The following SLC7A8 variants were observed in gnomAD, a reference collection of about 807,000 sequenced individuals.
SLC7A8 encodes the protein large neutral amino acids transporter small subunit 2.
Under a neutral mutation model 51.2 loss-of-function variants are expected in SLC7A8, and 30 were observed. That is an observed-to-expected ratio of 0.59 (90% CI 0.44 to 0.80). The LOEUF is 0.80. SLC7A8 is among the 30% of genes least tolerant of loss of function. The pLI is 0.00. For synonymous variants in SLC7A8, 257 were observed against 275.8 expected (o/e 0.93, Z 0.67); for missense variants, 612 against 674.4 (o/e 0.91, Z 1.03).
chr14:23,170,751 C>T (rs1399041677), intron 1 of SLC7A8, among the ~76,000 whole-genome samples: 1 of 151,430 alleles, frequency 6.6e-6, no homozygotes. Context: ...GGCTGTGGGT[C>T]TCACCACTCT....
intron 3 of SLC7A8, among the ~76,000 whole-genome samples, chr14:23,158,290 C>T (rs895291793): frequency 3.3e-5 from 5 of 152,206 alleles, no homozygotes; most frequent in South Asian, 4.1e-4. Flanking sequence ...ATCCTGGGAG[C>T]ACCACCCTGG....
chr14:23,137,072 G>T (rs4982732), intron 7 of SLC7A8, among the ~76,000 whole-genome samples: 1 of 152,004 alleles, frequency 6.6e-6, no homozygotes, highest in South Asian at 2.1e-4. Flanking sequence ...CTGAGGGCAG[G>T]GGGTGCTTTC....
Position 23,165,580 on chromosome 14 carries a change from C to T in SLC7A8, c.357-144G>A. ...TCTGCCCCCACCCACAAATGAGACACCCAGCCCTCTGCAGTGACAATAAAA... is the reference window on the plus strand; with the variant it reads ...TCTGCCCCCACCCACAAATGAGACATCCAGCCCTCTGCAGTGACAATAAAA... On this transcript the variant is annotated intron_variant, in intron 2 of 10. Coordinates refer to ENST00000316902, the MANE Select transcript of SLC7A8 (RefSeq NM_012244.4). The surrounding 1 kb of genome is among the most constrained non-coding windows in gnomAD (Gnocchi z 4.2). 2 of 741,370 alleles carry T rather than the reference C, an allele frequency of 2.7e-6. No individual in the cohort carries two copies. Among genetic ancestry groups the T allele is most frequent in the Non-Finnish European group, 4.2e-6 (2 of 480,754 alleles). The allele number at this position is 741,370 out of a possible 1,614,324, so 45.9% of individuals were successfully genotyped here. A position where few individuals can be genotyped will look rare whatever the true frequency, so the allele number is the denominator to read the frequency against.
chr14:23,172,261 C>T (rs562130469), intron 1 of SLC7A8, among the ~76,000 whole-genome samples: 1 of 152,344 alleles, frequency 6.6e-6, no homozygotes, highest in African/African-American at 2.4e-5. Flanking sequence ...GGAGGCTTGG[C>T]TCCAAAACAG....
rs150369626 is a variant in SLC7A8, at chr14:23,152,682, T to A, written c.509-9478A>T. Among the ~76,000 whole-genome samples, 399 of 152,328 alleles carry A rather than the reference T, an allele frequency of 2.6e-3. 3 individuals are homozygous for A. Among genetic ancestry groups the A allele is most frequent in the African/African-American group, 9.1e-3 (379 of 41,576 alleles). ...CACCTGCCTTGGCCTCCCAAAGTGC[T>A]GCGATTACAGGCATGAGCCGCCACA... On this transcript the variant is annotated intron_variant, in intron 3 of 10. Transcript: ENST00000316902.
chr14:23,143,067 TGC>T lies in SLC7A8; in HGVS notation c.634+10_634+11del. On this transcript the variant is annotated intron_variant, in intron 4 of 10. Coordinates refer to ENST00000316902, the MANE Select transcript of SLC7A8 (RefSeq NM_012244.4). Reference sequence around the variant, plus strand: ...AAAGCTGGGCAGTACCTGTTTTTCCTGCGATACTCACCTTTGCATATCTGTAC... The same window carrying T: ...AAAGCTGGGCAGTACCTGTTTTTCCTGATACTCACCTTTGCATATCTGTAC... 6.2e-7 allele frequency: 1 copy of T among 1,613,602 alleles called. No individual in the cohort carries two copies. Among genetic ancestry groups the T allele is most frequent in the Non-Finnish European group, 8.5e-7 (1 of 1,179,558 alleles).
intron 3 of SLC7A8, among the ~76,000 whole-genome samples, chr14:23,163,482 T>C (rs906605430): frequency 3.9e-5 from 6 of 152,138 alleles, no homozygotes; most frequent in African/African-American, 1.4e-4. Flanking sequence ...GCCTGGGTGG[T>C]GGAGGTCTGT....
At chr14:23,142,499 T>C (rs1175450791) in intron 4 of SLC7A8, among the ~76,000 whole-genome samples, 2 of 152,108 alleles carry the variant, frequency 1.3e-5, no homozygotes, top group African/African-American at 4.8e-5. Flanking sequence ...TCTGGGGTTT[T>C]TGTTTGTTTA....
chr14:23,174,818 T>C (rs1049700810), intron 1 of SLC7A8, among the ~76,000 whole-genome samples: 78 of 152,198 alleles, frequency 5.1e-4, no homozygotes, highest in South Asian at 2.1e-4. Context: ...AAAGAAGGCA[T>C]GGTCCTCCAT....
At chr14:23,140,658 A>G in intron 4 of SLC7A8, 34 bp from the exon 5 acceptor site, 2 of 1,592,282 alleles carry the variant, frequency 1.3e-6, no homozygotes, top group Non-Finnish European at 8.6e-7. Flanking sequence ...CCGCTCAGTG[A>G]GACAAGTCAG....
Position 23,165,203 on chromosome 14 carries a change from G to A in SLC7A8, c.508+82C>T. 7.3e-7 allele frequency: 1 copy of A among 1,369,044 alleles called. No individual in the cohort carries two copies. The highest frequency in any genetic ancestry group is 9.6e-7 in the Non-Finnish European group (1 of 1,040,410). The allele number at this position is 1,369,044 out of a possible 1,614,324, so 84.8% of individuals were successfully genotyped here. On this transcript the variant is annotated intron_variant, in intron 3 of 10. Transcript: ENST00000316902. This position sits in a 1 kb window ranked among gnomAD's most constrained non-coding sequence, Gnocchi z 4.2. ...GCTGCGCTCCAGCCTGAGTGACAGAGTGAAGACTCTGTTTCTAAAAATAAT... is the reference window on the plus strand; with the variant it reads ...GCTGCGCTCCAGCCTGAGTGACAGAATGAAGACTCTGTTTCTAAAAATAAT...
At chr14:23,171,605 C>T (rs189540881) in intron 1 of SLC7A8, among the ~76,000 whole-genome samples, 1 of 152,358 alleles carries the variant, frequency 6.6e-6, no homozygotes, top group Admixed American at 6.5e-5. Context: ...GCCTTGAAAT[C>T]TAGCCACAGC....
rs1414333926 is a variant in SLC7A8 at position 23,126,215 on chromosome 14, G to A, written c.*962C>T. 1 of 153,128 alleles carries A rather than the reference G, an allele frequency of 6.5e-6. No individual in the cohort carries two copies. The highest frequency in any genetic ancestry group is 1.5e-5 in the Non-Finnish European group (1 of 68,218). 9.5% of individuals were successfully genotyped at this position (153,128 alleles called of 1,614,324 possible). On this transcript the variant is annotated 3_prime_UTR_variant, in exon 11 of 11. Transcript: ENST00000316902. ...TAAGGCTGATCTGGCTCTGATCTCA[G>A]GCCTGAAGGGCTTGGGGATCCTTCG...
Position 23,166,391 on chromosome 14 carries a change from G to T in SLC7A8, c.301C>A (p.Pro101Thr). 6.2e-7 allele frequency: 1 copy of T among 1,614,118 alleles called. No homozygotes were observed. The highest frequency in any genetic ancestry group is 8.5e-7 in the Non-Finnish European group (1 of 1,180,034). ...LCYAELGVTI[P>T]KSGGDYSYVK... ...TAGGAGTAGTCACCTCCAGATTTGG[G>T]GATGGTGACCCCGAGTTCAGCATAG... The change falls in exon 2 of 11, where the codon CCC becomes ACC. Residue 101 changes from proline to threonine, a missense_variant. Transcript: ENST00000316902.
At chr14:23,181,966 T>C (rs2140344678) in intron 1 of SLC7A8, among the ~76,000 whole-genome samples, 1 of 152,296 alleles carries the variant, frequency 6.6e-6, no homozygotes. Context: ...CCACCCAGGT[T>C]CCCCACCTTC....
intron 3 of SLC7A8, among the ~76,000 whole-genome samples, chr14:23,158,158 C>G (rs1405062123): frequency 2.0e-5 from 3 of 152,200 alleles, no homozygotes; most frequent in Admixed American, 6.5e-5. Flanking sequence ...GTAACTAGCC[C>G]ATCATGGGCA....
At chr14:23,153,075 A>G (rs1164910293) in intron 3 of SLC7A8, among the ~76,000 whole-genome samples, 1 of 152,142 alleles carries the variant, frequency 6.6e-6, no homozygotes, top group Non-Finnish European at 1.5e-5. Flanking sequence ...CTCATGGGTG[A>G]TCAGAAGGCA....
intron 1 of SLC7A8, among the ~76,000 whole-genome samples, chr14:23,176,011 T>C (rs1050743492): frequency 6.6e-6 from 1 of 152,220 alleles, no homozygotes; most frequent in African/African-American, 2.4e-5. Flanking sequence ...TTTAATCACA[T>C]TTTCATCCTG....
intron 1 of SLC7A8, among the ~76,000 whole-genome samples, chr14:23,182,401 C>A (rs7151578): frequency 0.98 from 149,319 of 152,274 alleles, 73,269 homozygotes; most frequent in East Asian, 1. Context: ...TAGCTGCATA[C>A]AAACTTGTTC....
Sources: allele counts gnomAD v4.1 joint callset (sites outside exome capture counted in the v4.1 genomes callset), GRCh38; gene constraint gnomAD v4.1.1; non-coding constraint Gnocchi (gnomAD v3.1); transcripts MANE v1.5; gene names NCBI Gene and HGNC (gene_info 2026-07-23, HGNC 2026-07-21).